The following FGF14 variants were observed in gnomAD, a reference collection of about 807,000 sequenced individuals.
The protein encoded by FGF14 is fibroblast growth factor homologous factor 4.
A neutral mutation model predicts 25.5 loss-of-function variants in FGF14; 5 were observed. The ratio of observed to expected loss-of-function variants is 0.20; its 90% CI spans 0.10 to 0.41. The LOEUF is 0.41. FGF14 is among the 10% of genes least tolerant of loss of function. The probability of loss-of-function intolerance (pLI) is 1.00; values close to 1 mark genes in which losing one functional copy is unlikely to be tolerated. For synonymous variants in FGF14, 138 were observed against 118.3 expected (o/e 1.17, Z -1.08); for missense variants, 222 against 320.1 (o/e 0.69, Z 2.34).
rs114017032 is a variant in FGF14, at chr13:101,787,223, T to A, written c.409-60413A>T. Among the ~76,000 whole-genome samples, 296 of 152,264 alleles carry A rather than the reference T, an allele frequency of 1.9e-3. 1 individual carries two copies. Among genetic ancestry groups the A allele is most frequent in the African/African-American group, 6.7e-3 (280 of 41,556 alleles). The stretch of plus-strand genomic sequence containing the variant: ...AGAGTATATCATAAAGCTAAGCCAA[T>A]AATACTTTCCCTGATTTCAAATAGT... On this transcript the variant is annotated intron_variant, in intron 3 of 4. Coordinates refer to ENST00000376143, the MANE Select transcript of FGF14 (RefSeq NM_004115.4).
At chr13:102,032,812 G>A (rs139425335) in intron 1 of FGF14, among the ~76,000 whole-genome samples, 1 of 152,046 alleles carries the variant, frequency 6.6e-6, no homozygotes, top group Non-Finnish European at 1.5e-5. Context: ...AAGACCATGG[G>A]GAAGGCAGCA....
intron 1 of FGF14, among the ~76,000 whole-genome samples, chr13:102,020,608 T>G (rs1024822734): frequency 6.6e-6 from 1 of 151,820 alleles, no homozygotes; most frequent in African/African-American, 2.4e-5. Flanking sequence ...AGAGCAGAAA[T>G]GTCAGACAAA....
intron 3 of FGF14, among the ~76,000 whole-genome samples, chr13:101,808,086 G>T (rs1309455808): frequency 6.6e-6 from 1 of 152,018 alleles, no homozygotes; most frequent in Non-Finnish European, 1.5e-5. Context: ...GTTTAGCTCT[G>T]TGGTTTGTGT....
intron 1 of FGF14, among the ~76,000 whole-genome samples, chr13:102,024,561 G>T (rs2139889405): frequency 6.6e-6 from 1 of 151,952 alleles, no homozygotes; most frequent in South Asian, 2.1e-4. Context: ...ATAATATGAA[G>T]CGTTTTTCAC....
At chr13:102,279,554 T>C (rs987485588) in intron 1 of FGF14, among the ~76,000 whole-genome samples, 1 of 152,214 alleles carries the variant, frequency 6.6e-6, no homozygotes, top group Admixed American at 6.5e-5. Flanking sequence ...TGTATATTGT[T>C]GATCACTAAT....
intron 1 of FGF14, among the ~76,000 whole-genome samples, chr13:102,241,014 G>C (rs2051570735): frequency 1.3e-5 from 2 of 152,074 alleles, no homozygotes; most frequent in African/African-American, 4.8e-5. Flanking sequence ...CAGAGGGTGG[G>C]GGGAATATGC....
chr13:101,898,322 A>G (rs968104397), intron 1 of FGF14, among the ~76,000 whole-genome samples: 1 of 147,904 alleles, frequency 6.8e-6, no homozygotes, highest in African/African-American at 2.5e-5. Flanking sequence ...CTCAACCTGT[A>G]TAAAGGCATG....
intron 1 of FGF14, among the ~76,000 whole-genome samples, chr13:101,999,843 T>G (rs2039385176): frequency 6.6e-6 from 1 of 152,122 alleles, no homozygotes; most frequent in Admixed American, 6.5e-5. Flanking sequence ...CTGTTAGTGG[T>G]TCACACTATT....
At chr13:101,832,514 A>G (rs1460094184) in intron 3 of FGF14, among the ~76,000 whole-genome samples, 3 of 152,046 alleles carry the variant, frequency 2.0e-5, no homozygotes, top group African/African-American at 7.2e-5. Flanking sequence ...CTTCTGAAGA[A>G]ATTGTAGAGA....
chr13:101,858,122 C>T (rs1299442230), intron 3 of FGF14, among the ~76,000 whole-genome samples: 2 of 151,354 alleles, frequency 1.3e-5, no homozygotes, highest in Non-Finnish European at 2.9e-5. Context: ...ATTGAGGATA[C>T]TGAGAGAAAT....
intron 3 of FGF14, among the ~76,000 whole-genome samples, chr13:101,858,646 T>A (rs1451163686): frequency 1.3e-5 from 2 of 152,092 alleles, no homozygotes; most frequent in African/African-American, 4.8e-5. Context: ...TCAATATAAA[T>A]GTTGTTACTA....
At chr13:102,020,328 C>A (rs1487202298) in intron 1 of FGF14, among the ~76,000 whole-genome samples, 2 of 152,098 alleles carry the variant, frequency 1.3e-5, no homozygotes, top group African/African-American at 2.4e-5. Flanking sequence ...GCGGGCAGAT[C>A]ACCTAAGGTC....
intron 1 of FGF14, among the ~76,000 whole-genome samples, chr13:101,882,070 CT>C (rs143075587): frequency 6.6e-6 from 1 of 151,698 alleles, no homozygotes; most frequent in African/African-American, 2.4e-5. Flanking sequence ...AAATACTATT[CT>C]TTTTTTAACT....
chr13:101,924,438 T>C (rs1175168742), intron 1 of FGF14, among the ~76,000 whole-genome samples: 2 of 152,148 alleles, frequency 1.3e-5, no homozygotes, highest in Non-Finnish European at 2.9e-5. Context: ...GTAATTAAAA[T>C]AGTGATTTTT....
At chr13:102,100,139 C>T (rs576355316) in intron 1 of FGF14, among the ~76,000 whole-genome samples, 29 of 152,166 alleles carry the variant, frequency 1.9e-4, no homozygotes, top group African/African-American at 5.8e-4. Flanking sequence ...GTCTAAGAAT[C>T]AAATCAAATG....
intron 1 of FGF14, among the ~76,000 whole-genome samples, chr13:102,129,538 G>A (rs1305610398): frequency 1.3e-5 from 2 of 152,102 alleles, no homozygotes; most frequent in Non-Finnish European, 2.9e-5. Flanking sequence ...ATAAAGAAAT[G>A]TATATTACAT....
Position 101,916,646 on chromosome 13 carries a change from G to C in FGF14, c.-1C>G. On this transcript the variant is annotated 5_prime_UTR_variant, in exon 1 of 5. Transcript: ENST00000376143. Reference sequence around the variant, plus strand: ...AGCCGCTAGCGATGGCCGCGGCCATGGTGGCCCCGGGAACGGGTCCGGGGA... The same window carrying C: ...AGCCGCTAGCGATGGCCGCGGCCATCGTGGCCCCGGGAACGGGTCCGGGGA... 1 of 1,551,120 alleles carries C rather than the reference G, an allele frequency of 6.4e-7. No homozygotes were observed. Among genetic ancestry groups the C allele is most frequent in the Non-Finnish European group, 8.7e-7 (1 of 1,145,432 alleles).
intron 1 of FGF14, among the ~76,000 whole-genome samples, chr13:102,096,865 T>C (rs1388579133): frequency 6.6e-6 from 1 of 152,132 alleles, no homozygotes; most frequent in African/African-American, 2.4e-5. Context: ...ATGGGAAATT[T>C]AAAAAATAAG....
intron 1 of FGF14, among the ~76,000 whole-genome samples, chr13:102,121,820 A>G (rs1277795227): frequency 1.3e-5 from 2 of 152,232 alleles, no homozygotes; most frequent in Non-Finnish European, 2.9e-5. Context: ...GCTCCTAATC[A>G]AAGGTTTGTC....
Sources: allele counts gnomAD v4.1 joint callset (sites outside exome capture counted in the v4.1 genomes callset), GRCh38; gene constraint gnomAD v4.1.1; transcripts MANE v1.5; gene names NCBI Gene and HGNC (gene_info 2026-07-23, HGNC 2026-07-21).